Variants in NOL4L observed in about 807,000 individuals in gnomAD.
NOL4L encodes the protein nucleolar protein 4-like.
In NOL4L, 7 loss-of-function variants were observed where a neutral mutation model predicts 64.5. The observed-to-expected ratio is 0.11, with a 90% CI of 0.06 to 0.20. NOL4L has a LOEUF of 0.20. Among genes scored for constraint, NOL4L ranks in the 10% least tolerant of loss-of-function variants. The probability of loss-of-function intolerance (pLI) is 1.00; values close to 1 mark genes in which losing one functional copy is unlikely to be tolerated. For missense variants in NOL4L, 680 were observed against 967.1 expected (o/e 0.70, Z 3.94); for synonymous variants, 413 against 401.0 (o/e 1.03, Z -0.36).
intron 1 of NOL4L, among the ~76,000 whole-genome samples, chr20:32,559,938 G>A (rs1978898988): frequency 6.6e-6 from 1 of 152,244 alleles, no homozygotes; most frequent in Non-Finnish European, 1.5e-5. Context: ...CCTGCCCTGG[G>A]AGACCAAGCC....
chr20:32,519,320 C>A (rs907746009), intron 3 of NOL4L: 6 of 152,232 alleles, frequency 3.9e-5, no homozygotes, highest in Admixed American at 3.9e-4. Flanking sequence ...TGAACACAAG[C>A]AGAAAGCCCC....
chr20:32,506,776 GCTCA>G (rs1483480577), intron 4 of NOL4L, among the ~76,000 whole-genome samples: 4 of 152,168 alleles, frequency 2.6e-5, no homozygotes, highest in African/African-American at 4.8e-5. Context: ...ACTAAGAAGA[GCTCA>G]CTGTCTGTGA....
At chr20:32,447,927 G>T in intron 10 of NOL4L, 111 bp from the exon 11 acceptor site, 1 of 1,377,160 alleles carries the variant, frequency 7.3e-7, no homozygotes, top group East Asian at 2.5e-5. Flanking sequence ...ACTGTGAGTT[G>T]GGCACTGAAG....
At chr20:32,471,871 G>A (rs1292309090) in intron 5 of NOL4L, among the ~76,000 whole-genome samples, 1 of 152,106 alleles carries the variant, frequency 6.6e-6, no homozygotes, top group Non-Finnish European at 1.5e-5. Context: ...TTCACCTTCT[G>A]CCATGTCTGT....
At chr20:32,581,224 C>T (rs1366693830) in intron 1 of NOL4L, among the ~76,000 whole-genome samples, 1 of 152,218 alleles carries the variant, frequency 6.6e-6, no homozygotes, top group Non-Finnish European at 1.5e-5. Flanking sequence ...TGGAGGCCAA[C>T]TTGCCTCTCC....
intron 4 of NOL4L, among the ~76,000 whole-genome samples, chr20:32,494,987 C>T (rs889756755): frequency 6.6e-6 from 1 of 150,476 alleles, no homozygotes; most frequent in African/African-American, 2.5e-5. Context: ...GGATCCCCCA[C>T]TCCCATGTGG....
At chr20:32,459,298 C>A (rs902884535) in intron 5 of NOL4L, among the ~76,000 whole-genome samples, 1 of 149,804 alleles carries the variant, frequency 6.7e-6, no homozygotes. Flanking sequence ...TAGAGTACAG[C>A]GGTGCCATTA....
At chr20:32,469,458 G>A (rs548552649) in intron 5 of NOL4L, among the ~76,000 whole-genome samples, 1 of 150,384 alleles carries the variant, frequency 6.6e-6, no homozygotes, top group African/African-American at 2.4e-5. Flanking sequence ...TGTAACCTCC[G>A]CCTCCCGGGT....
intron 4 of NOL4L, among the ~76,000 whole-genome samples, chr20:32,502,367 C>T (rs185109662): frequency 0.01 from 1,499 of 142,812 alleles, 28 homozygotes; most frequent in African/African-American, 0.037. Context: ...CCGAGGCAGG[C>T]GGATCACCTG....
intron 1 of NOL4L, among the ~76,000 whole-genome samples, chr20:32,581,531 TG>T (rs202085194): frequency 0.016 from 2,423 of 152,016 alleles, 47 homozygotes; most frequent in African/African-American, 0.054. Flanking sequence ...CAGAGAGCAA[TG>T]GGGAAGAGAG....
At chr20:32,483,207 G>A (rs1248977037) in intron 4 of NOL4L, among the ~76,000 whole-genome samples, 1 of 148,854 alleles carries the variant, frequency 6.7e-6, no homozygotes, top group Non-Finnish European at 1.5e-5. Flanking sequence ...CCCCGGCAAA[G>A]GAAGCTCCCC....
At chr20:32,541,150 T>C (rs2018649107) in intron 1 of NOL4L, among the ~76,000 whole-genome samples, 1 of 152,158 alleles carries the variant, frequency 6.6e-6, no homozygotes, top group Admixed American at 6.6e-5. Flanking sequence ...CTAGCCCGTG[T>C]CAGCCCCTGT....
chr20:32,462,389 C>T lies in NOL4L; in HGVS notation c.842-5994G>A, dbSNP rs142260708. On this transcript the variant is annotated intron_variant, in intron 5 of 10. Coordinates refer to ENST00000621426, the MANE Select transcript of NOL4L (RefSeq NM_001256798.2). ...GCTCTGCATGGGGACCTCACCATGACGCCCAGCTCAGTCCTGAGGAGGCTG... is the reference window on the plus strand; with the variant it reads ...GCTCTGCATGGGGACCTCACCATGATGCCCAGCTCAGTCCTGAGGAGGCTG... Among the ~76,000 whole-genome samples, 260 of 152,268 alleles carry T rather than the reference C, an allele frequency of 1.7e-3. 1 individual carries two copies. The highest frequency in any genetic ancestry group is 6.0e-3 in the African/African-American group (249 of 41,544).
intron 2 of NOL4L, among the ~76,000 whole-genome samples, chr20:32,526,504 A>T (rs1417674484): frequency 7.0e-6 from 1 of 141,872 alleles, no homozygotes; most frequent in Non-Finnish European, 1.5e-5. Flanking sequence ...GGTTGCATTA[A>T]AAAAAAAAAA....
At position 32,453,396 on chromosome 20, in the gene NOL4L, G is replaced by A; in HGVS notation, c.1405C>T (p.Arg469Trp). 1.2e-6 allele frequency: 2 copies of A among 1,614,106 alleles called. No individual in the cohort carries two copies. Among genetic ancestry groups the A allele is most frequent in the Non-Finnish European group, 1.7e-6 (2 of 1,180,026 alleles). The change falls in exon 8 of 11, where the codon CGG becomes TGG. Residue 469 changes from arginine to tryptophan, a missense_variant. By Grantham distance (101) the Arg-to-Trp change is moderately radical. Transcript: ENST00000621426. This position sits in a 1 kb window ranked among gnomAD's most constrained non-coding sequence, Gnocchi z 5.6. Reference sequence around the variant, plus strand: ...CGCTCCTGGAACTCAGGGAACTGCCGGCTGCAGGACTCGATGATGGCCTGG... The same window carrying A: ...CGCTCCTGGAACTCAGGGAACTGCCAGCTGCAGGACTCGATGATGGCCTGG... Reference protein sequence around the residue: ...KIQAIIESCSRQFPEFQERAR... With the variant: ...KIQAIIESCSWQFPEFQERAR...
At chr20:32,513,591 G>A (rs1371741651) in intron 3 of NOL4L, among the ~76,000 whole-genome samples, 5 of 152,282 alleles carry the variant, frequency 3.3e-5, no homozygotes, top group African/African-American at 9.6e-5. Flanking sequence ...AGCCGGGCAC[G>A]GTGGCTCACG....
At chr20:32,487,934 A>ATTTT (rs36085049) in intron 4 of NOL4L, among the ~76,000 whole-genome samples, 1,891 of 105,918 alleles carry the variant, frequency 0.018, 25 homozygotes, top group African/African-American at 0.06. Context: ...TGTTGGTTTT[A>ATTTT]TTTTTTTTTT....
chr20:32,500,538 CTTTTT>C (rs35172494), intron 4 of NOL4L, among the ~76,000 whole-genome samples: 3 of 129,562 alleles, frequency 2.3e-5, no homozygotes, highest in African/African-American at 2.7e-5. Flanking sequence ...GTATTTCTTT[CTTTTT>C]TTTTTTTTTT....
chr20:32,540,555 T>C (rs2018636692), intron 1 of NOL4L, among the ~76,000 whole-genome samples: 2 of 152,076 alleles, frequency 1.3e-5, no homozygotes, highest in African/African-American at 4.8e-5. Flanking sequence ...CCAGATGCAT[T>C]CACTGATTCA....
Sources: allele counts gnomAD v4.1 joint callset (sites outside exome capture counted in the v4.1 genomes callset), GRCh38; gene constraint gnomAD v4.1.1; non-coding constraint Gnocchi (gnomAD v3.1); transcripts MANE v1.5; gene names NCBI Gene and HGNC (gene_info 2026-07-23, HGNC 2026-07-21).